The following GALNT13 variants were observed in gnomAD, a reference collection of about 807,000 sequenced individuals.
The protein encoded by GALNT13 is polypeptide N-acetylgalactosaminyltransferase 13.
GALNT13 carries 28 observed loss-of-function variants against 64.2 expected under a neutral mutation model. That is an observed-to-expected ratio of 0.44 (90% CI 0.32 to 0.60). The LOEUF (loss-of-function observed/expected upper bound fraction) is 0.60, where lower values mean the gene tolerates loss of function less well. Among genes scored for constraint, GALNT13 ranks in the 20% least tolerant of loss-of-function variants. The probability of loss-of-function intolerance (pLI) is 0.05; values close to 1 mark genes in which losing one functional copy is unlikely to be tolerated. For synonymous variants in GALNT13, 214 were observed against 224.6 expected (o/e 0.95, Z 0.42); for missense variants, 577 against 669.8 (o/e 0.86, Z 1.53).
At chr2:154,406,926 C>A (rs1699572237) in intron 10 of GALNT13, among the ~76,000 whole-genome samples, 1 of 152,134 alleles carries the variant, frequency 6.6e-6, no homozygotes, top group Non-Finnish European at 1.5e-5. Flanking sequence ...AAAGTGTTAT[C>A]TTTTGTAGAA....
chr2:153,615,703 TC>T, the GALNT13 span, among the ~76,000 whole-genome samples: 15 of 152,140 alleles, frequency 9.9e-5, no homozygotes, highest in African/African-American at 3.6e-4. Flanking sequence ...ATCTTTTAAA[TC>T]TTTTAAATGG....
intron 3 of GALNT13, among the ~76,000 whole-genome samples, chr2:153,994,186 G>A (rs1301252308): frequency 3.3e-5 from 5 of 152,014 alleles, no homozygotes; most frequent in South Asian, 4.2e-4. Context: ...TTGTCCTTGC[G>A]ATAGTTTGCT....
chr2:153,522,923 T>A, the GALNT13 span, among the ~76,000 whole-genome samples: 1 of 152,138 alleles, frequency 6.6e-6, no homozygotes, highest in African/African-American at 2.4e-5. Flanking sequence ...TAAAAAGTCA[T>A]TGATAAACCC....
chr2:153,753,823 C>T, the GALNT13 span, among the ~76,000 whole-genome samples: 1 of 152,188 alleles, frequency 6.6e-6, no homozygotes, highest in South Asian at 2.1e-4. Flanking sequence ...AGGACCTAGG[C>T]AGGTTTAGAG....
intron 3 of GALNT13, among the ~76,000 whole-genome samples, chr2:154,126,551 C>T (rs977582287): frequency 1.3e-5 from 2 of 151,126 alleles, no homozygotes; most frequent in Non-Finnish European, 2.9e-5. Context: ...AGGAGAATGG[C>T]GTGAACCCGG....
chr2:154,399,363 G>A (rs956700731), intron 10 of GALNT13, among the ~76,000 whole-genome samples: 1 of 152,110 alleles, frequency 6.6e-6, no homozygotes, highest in Non-Finnish European at 1.5e-5. Context: ...ATTTGTCATA[G>A]TTCTGGAGAT....
At chr2:154,287,891 C>G (rs1050348224) in intron 8 of GALNT13, among the ~76,000 whole-genome samples, 1 of 152,082 alleles carries the variant, frequency 6.6e-6, no homozygotes, top group South Asian at 2.1e-4. Context: ...CCCAGTCTTG[C>G]TAGACTGGTC....
At chr2:154,101,289 T>G (rs1027227062) in intron 3 of GALNT13, among the ~76,000 whole-genome samples, 2 of 152,034 alleles carry the variant, frequency 1.3e-5, no homozygotes, top group African/African-American at 4.8e-5. Context: ...TGGTACCCGT[T>G]CTTTTTGGTT....
chr2:153,861,658 C>T, the GALNT13 span, among the ~76,000 whole-genome samples: 2 of 150,172 alleles, frequency 1.3e-5, no homozygotes, highest in Non-Finnish European at 2.9e-5. Context: ...CCTCTGCCTC[C>T]TAGATTCAAG....
At position 154,124,403 on chromosome 2, in the gene GALNT13, A is replaced by G. The variant is rs75872595; in HGVS notation, c.143-15934A>G. The stretch of plus-strand genomic sequence containing the variant: ...CTGATGTAGCAATGTTTGCTGTTTT[A>G]TATTTTGTTATAGATCTGCGTACAA... On this transcript the variant is annotated intron_variant, in intron 3 of 12. Transcript: ENST00000392825. Among the ~76,000 whole-genome samples the G allele has an allele frequency of 6.4e-4, 97 of 152,180 alleles. No homozygotes were observed. In the East Asian group the frequency reaches 0.018, roughly 28 times the overall value.
intron 6 of GALNT13, among the ~76,000 whole-genome samples, chr2:154,244,221 A>G (rs972375664): frequency 3.3e-5 from 5 of 152,120 alleles, no homozygotes; most frequent in African/African-American, 1.2e-4. Context: ...TTTGCATATG[A>G]TGAACCCTAT....
At chr2:153,824,452 T>C in the GALNT13 span, among the ~76,000 whole-genome samples, 1 of 152,156 alleles carries the variant, frequency 6.6e-6, no homozygotes, top group African/African-American at 2.4e-5. Context: ...TCCAGCATAA[T>C]ATCACCTTGG....
rs1162491926 is a variant in GALNT13 at position 154,335,866 on chromosome 2, C to A, written c.1156+34277C>A. Among the ~76,000 whole-genome samples the A allele has an allele frequency of 2.0e-5, 3 of 151,848 alleles. 1 individual carries two copies. The highest frequency in any genetic ancestry group is 4.2e-4 in the South Asian group (2 of 4,808). On this transcript the variant is annotated intron_variant, in intron 9 of 12. Transcript: ENST00000392825. ...CTGCTGGAATAAGTAACAAATATAACCAAAAGAAGCAAGTTTCCTCTTGAT... is the reference window on the plus strand; with the variant it reads ...CTGCTGGAATAAGTAACAAATATAAACAAAAGAAGCAAGTTTCCTCTTGAT...
At chr2:154,132,906 A>AAT in intron 3 of GALNT13, among the ~76,000 whole-genome samples, 1 of 151,696 alleles carries the variant, frequency 6.6e-6, no homozygotes, top group South Asian at 2.1e-4. Flanking sequence ...AAAAAAAAAA[A>AAT]AAAATCATGT....
At chr2:154,326,501 A>G (rs1182590250) in intron 9 of GALNT13, among the ~76,000 whole-genome samples, 2 of 152,118 alleles carry the variant, frequency 1.3e-5, no homozygotes, top group African/African-American at 4.8e-5. Context: ...TTTATTTGCT[A>G]CATCTGGAAA....
chr2:153,126,657 T>C, the GALNT13 span, among the ~76,000 whole-genome samples: 1 of 152,094 alleles, frequency 6.6e-6, no homozygotes, highest in African/African-American at 2.4e-5. Flanking sequence ...GCCAATCTTG[T>C]AAAGAAACCA....
At chr2:153,596,619 ATCTC>A in the GALNT13 span, among the ~76,000 whole-genome samples, 3 of 152,136 alleles carry the variant, frequency 2.0e-5, no homozygotes, top group Admixed American at 6.6e-5. Context: ...CCTCAATTTA[ATCTC>A]TCTGTTTAAT....
chr2:153,378,180 A>G, the GALNT13 span, among the ~76,000 whole-genome samples: 1 of 152,082 alleles, frequency 6.6e-6, no homozygotes, highest in Non-Finnish European at 1.5e-5. Flanking sequence ...ATACTCCATT[A>G]TTTTGCCACT....
At chr2:153,813,972 T>TCTC in the GALNT13 span, among the ~76,000 whole-genome samples, 1 of 152,196 alleles carries the variant, frequency 6.6e-6, no homozygotes, top group Admixed American at 6.5e-5. Context: ...TCTGTCTCTT[T>TCTC]CTCTGTAGTG....
Sources: allele counts gnomAD v4.1 joint callset (sites outside exome capture counted in the v4.1 genomes callset), GRCh38; gene constraint gnomAD v4.1.1; transcripts MANE v1.5; gene names NCBI Gene and HGNC (gene_info 2026-07-23, HGNC 2026-07-21).